Variants in STAP1 observed in about 807,000 individuals in gnomAD.
The protein encoded by STAP1 is signal transducing adaptor family member 1.
In STAP1, 30 loss-of-function variants were observed where a neutral mutation model predicts 37.8. That is an observed-to-expected ratio of 0.79 (90% CI 0.59 to 1.08). STAP1 has a LOEUF of 1.08. STAP1 is among the 50% of genes least tolerant of loss of function. The probability of loss-of-function intolerance (pLI) is 0.00; values close to 1 mark genes in which losing one functional copy is unlikely to be tolerated. For missense variants in STAP1, 357 were observed against 349.4 expected (o/e 1.02, Z -0.17); for synonymous variants, 130 against 116.0 (o/e 1.12, Z -0.78).
At chr4:67,562,739 T>C (rs1196287133) in intron 1 of STAP1, among the ~76,000 whole-genome samples, 1 of 151,744 alleles carries the variant, frequency 6.6e-6, no homozygotes, top group Admixed American at 6.6e-5. Context: ...GCCATTGCAC[T>C]CCAACCTGGG....
intron 1 of STAP1, among the ~76,000 whole-genome samples, chr4:67,562,200 C>A (rs76224446): frequency 7.0e-6 from 1 of 142,998 alleles, no homozygotes; most frequent in Non-Finnish European, 1.5e-5. Flanking sequence ...AAAAAAAAAA[C>A]AGTGTGTGTG....
intron 1 of STAP1, among the ~76,000 whole-genome samples, chr4:67,561,743 A>T (rs1727341919): frequency 6.6e-6 from 1 of 152,110 alleles, no homozygotes; most frequent in African/African-American, 2.4e-5. Flanking sequence ...AAATGGGAAA[A>T]TTTCTCATTT....
chr4:67,574,266 G>A (rs1433903576), intron 2 of STAP1, among the ~76,000 whole-genome samples: 1 of 151,830 alleles, frequency 6.6e-6, no homozygotes, highest in Non-Finnish European at 1.5e-5. Flanking sequence ...CTCTTGCATT[G>A]GTAACCAACT....
rs540473039 is a variant in STAP1 at position 67,606,385 on chromosome 4, T to C, written c.*28T>C. On this transcript the variant is annotated 3_prime_UTR_variant, in exon 9 of 9. Transcript: ENST00000265404. ...TACAATGTGAAAGCTCCTTTGTATA[T>C]CTTGGTAATTTATATTTTCAAAACG... 1.3e-6 allele frequency: 2 copies of C among 1,583,030 alleles called. No individual in the cohort carries two copies. The highest frequency in any genetic ancestry group is 2.3e-5 in the East Asian group (1 of 44,388).
intron 6 of STAP1, among the ~76,000 whole-genome samples, chr4:67,587,100 G>A (rs1728001782): frequency 6.6e-6 from 1 of 152,132 alleles, no homozygotes; most frequent in Non-Finnish European, 1.5e-5. Context: ...CCATGTAACA[G>A]GTCACTTAAA....
intron 8 of STAP1, among the ~76,000 whole-genome samples, chr4:67,604,231 C>T (rs1041567332): frequency 6.6e-6 from 1 of 152,234 alleles, no homozygotes; most frequent in Non-Finnish European, 1.5e-5. Flanking sequence ...GCACGAGCAG[C>T]CACTGCTGGG....
intron 1 of STAP1, among the ~76,000 whole-genome samples, chr4:67,565,934 CTTTTTT>C (rs60607477): frequency 6.7e-5 from 4 of 59,430 alleles, no homozygotes; most frequent in Admixed American, 2.5e-4. Context: ...AACCCAACTG[CTTTTTT>C]TTTTTTTTTT....
rs752336993 is a variant in STAP1 at position 67,583,581 on chromosome 4, T to C, written c.538T>C (p.Tyr180His). The change falls in exon 6 of 9, where the codon TAT (tyrosine) becomes CAT (histidine). Residue 180 changes from tyrosine to histidine, a missense_variant. By Grantham distance (83) the Tyr-to-His change is moderately conservative (BLOSUM62 2). Transcript: ENST00000265404. ...DVLNPMPACFYTVSRKEATEM... is the reference protein window; with the variant it reads ...DVLNPMPACFHTVSRKEATEM... The stretch of plus-strand genomic sequence containing the variant: ...TTTATCTCACCTCTGTAGATGTTTT[T>C]ATACAGTGTCCCGGAAAGAGGCAAC... 6.2e-7 allele frequency: 1 copy of C among 1,610,914 alleles called. No homozygotes were observed. Among genetic ancestry groups the C allele is most frequent in the Admixed American group, 1.7e-5 (1 of 59,238 alleles).
chr4:67,587,693 T>C (rs1728014060), intron 6 of STAP1, among the ~76,000 whole-genome samples: 1 of 150,552 alleles, frequency 6.6e-6, no homozygotes, highest in South Asian at 2.1e-4. Flanking sequence ...TATAACCACA[T>C]TTAAGGGGAC....
chr4:67,576,203 C>T (rs906133294), intron 3 of STAP1, among the ~76,000 whole-genome samples: 3 of 152,162 alleles, frequency 2.0e-5, no homozygotes, highest in Non-Finnish European at 1.5e-5. Flanking sequence ...ATTACAGTGG[C>T]AACGTTTTTC....
intron 8 of STAP1, among the ~76,000 whole-genome samples, chr4:67,594,923 A>G (rs1237287784): frequency 6.6e-6 from 1 of 152,072 alleles, no homozygotes; most frequent in Non-Finnish European, 1.5e-5. Context: ...AGAGCTCTGA[A>G]CCGATACAAG....
chr4:67,566,047 C>A (rs116637226), intron 1 of STAP1, among the ~76,000 whole-genome samples: 5,622 of 142,946 alleles, frequency 0.039, 148 homozygotes, highest in Middle Eastern at 0.046. Flanking sequence ...TTCCTGGGTT[C>A]AAGAGATTCT....
rs139177308 is a variant in STAP1, at chr4:67,606,536, C to A, written c.*179C>A. On this transcript the variant is annotated 3_prime_UTR_variant, in exon 9 of 9. Transcript: ENST00000265404. Reference sequence around the variant, plus strand: ...ATTTCATTATCTTATCAGAATGAAACCAATTCACAGGGAAACTAGAGACTA... The same window carrying A: ...ATTTCATTATCTTATCAGAATGAAAACAATTCACAGGGAAACTAGAGACTA... The A allele has an allele frequency of 3.9e-4, 223 of 566,486 alleles. 1 individual carries two copies. Among genetic ancestry groups the A allele is most frequent in the Admixed American group, 6.8e-4 (18 of 26,288 alleles). The allele number at this position is 566,486 out of a possible 1,614,324, so 35.1% of individuals were successfully genotyped here.
chr4:67,574,365 T>C (rs116291553), intron 2 of STAP1, among the ~76,000 whole-genome samples: 5,728 of 152,184 alleles, frequency 0.038, 152 homozygotes, highest in Non-Finnish European at 0.044. Context: ...TATCATTAAA[T>C]ATGATATTTG....
intron 1 of STAP1, among the ~76,000 whole-genome samples, chr4:67,559,927 T>C (rs894392161): frequency 1.2e-4 from 19 of 152,204 alleles, no homozygotes; most frequent in Non-Finnish European, 2.4e-4. Context: ...TAATTTGTAT[T>C]CTGTTATGGA....
At chr4:67,560,712 G>A (rs887346970) in intron 1 of STAP1, among the ~76,000 whole-genome samples, 4 of 151,922 alleles carry the variant, frequency 2.6e-5, no homozygotes, top group Non-Finnish European at 5.9e-5. Flanking sequence ...GAGTGCAATG[G>A]TGCAATCACT....
chr4:67,603,340 A>G (rs1560469115), intron 8 of STAP1, among the ~76,000 whole-genome samples: 2 of 152,158 alleles, frequency 1.3e-5, no homozygotes, highest in Non-Finnish European at 2.9e-5. Flanking sequence ...TAGAATTGGG[A>G]ACCACAAGGC....
At chr4:67,566,596 C>T (rs1311193765) in intron 1 of STAP1, among the ~76,000 whole-genome samples, 1 of 152,108 alleles carries the variant, frequency 6.6e-6, no homozygotes, top group Non-Finnish European at 1.5e-5. Flanking sequence ...GAGCTTGCTG[C>T]CTCCCAAACA....
chr4:67,566,622 C>G (rs374070317), intron 1 of STAP1, among the ~76,000 whole-genome samples: 11 of 152,160 alleles, frequency 7.2e-5, no homozygotes, highest in African/African-American at 2.4e-4. Flanking sequence ...ATTAGATACT[C>G]AGTCCTACTC....
Sources: gnomAD v4.1 joint callset for allele counts (sites outside exome capture counted in the v4.1 genomes callset) on GRCh38, gnomAD v4.1.1 for gene constraint, MANE v1.5 for transcripts, NCBI Gene and HGNC (gene_info 2026-07-23, HGNC 2026-07-21) for gene names.